The following SLC41A3 variants were observed in gnomAD, a reference collection of about 807,000 sequenced individuals.
SLC41A3 encodes SLC41A1-like 2.
A neutral mutation model predicts 45.4 loss-of-function variants in SLC41A3; 44 were observed. That is an observed-to-expected ratio of 0.97 (90% CI 0.76 to 1.25). SLC41A3 has a LOEUF of 1.25. Ranked by LOEUF, SLC41A3 falls within the 50% of genes most tolerant of loss-of-function variation. The pLI is 0.00. For synonymous variants in SLC41A3, 256 were observed against 252.4 expected (o/e 1.01, Z -0.13); for missense variants, 550 against 600.6 (o/e 0.92, Z 0.88).
At chr3:126,086,240 A>G (rs1442683653), upstream of SLC41A3, among the ~76,000 whole-genome samples, 1 of 152,178 alleles carries the variant, frequency 6.6e-6, no homozygotes, top group Non-Finnish European at 1.5e-5. Flanking sequence ...ATCCTTGTGC[A>G]CATTTACATT....
intron 2 of SLC41A3, among the ~76,000 whole-genome samples, chr3:126,063,957 C>CCCCCCCCCCCCA (rs776315005): frequency 7.0e-6 from 1 of 143,236 alleles, no homozygotes; most frequent in Non-Finnish European, 1.6e-5. Context: ...CAACCCCCCC[C>CCCCCCCCCCCCA]CGGGGACACA....
intron 1 of SLC41A3, among the ~76,000 whole-genome samples, chr3:126,081,829 G>A (rs1449746956): frequency 6.6e-6 from 1 of 152,264 alleles, no homozygotes; most frequent in Non-Finnish European, 1.5e-5. Flanking sequence ...ACTCACACGC[G>A]TGCCTGAGGA....
chr3:126,057,097 T>G lies in SLC41A3; in HGVS notation c.274-6047A>C, dbSNP rs1943717887. 5 of 988,286 alleles carry G rather than the reference T, an allele frequency of 5.1e-6. No individual in the cohort carries two copies. In the South Asian group the frequency reaches 2.3e-4, roughly 46 times the overall value. The allele number at this position is 988,286 out of a possible 1,614,324, so 61.2% of individuals were successfully genotyped here. A position where few individuals can be genotyped will look rare whatever the true frequency, so the allele number is the denominator to read the frequency against. ...TGGGGAGAGATCAGCACAGAGGGACTGCCTCCTCAGGCCAGCTCTACAGAC... is the reference window on the plus strand; with the variant it reads ...TGGGGAGAGATCAGCACAGAGGGACGGCCTCCTCAGGCCAGCTCTACAGAC... On this transcript the variant is annotated intron_variant, in intron 2 of 10. Transcript: ENST00000360370.
chr3:126,027,400 C>A (rs1941451098), intron 4 of SLC41A3, among the ~76,000 whole-genome samples: 2 of 152,138 alleles, frequency 1.3e-5, no homozygotes, highest in African/African-American at 4.8e-5. Context: ...GCATTCCCCC[C>A]ATGCTTGTAA....
At chr3:126,030,075 A>G (rs1393719358) in intron 4 of SLC41A3, among the ~76,000 whole-genome samples, 1 of 147,120 alleles carries the variant, frequency 6.8e-6, no homozygotes, top group Non-Finnish European at 1.5e-5. Flanking sequence ...ATTTCAAAAA[A>G]TAAAATAAAT....
chr3:126,050,096 C>T (rs1943226931), intron 3 of SLC41A3, among the ~76,000 whole-genome samples: 1 of 152,214 alleles, frequency 6.6e-6, no homozygotes, highest in Admixed American at 6.5e-5. Flanking sequence ...TTAGTCACCT[C>T]TGCAAGGGCC....
rs1280049231 is a variant in SLC41A3 at position 126,022,771 on chromosome 3, G to A, written c.745+15C>T. On this transcript the variant is annotated intron_variant, in intron 6 of 10. Coordinates refer to ENST00000360370, the MANE Select transcript of SLC41A3 (RefSeq NM_017836.4). Reference sequence around the variant, plus strand: ...CCACGGAGCCTTTGTGTCTATAGAAGAAGACACTCTTTACCTTTGTGTCTG... The same window carrying A: ...CCACGGAGCCTTTGTGTCTATAGAAAAAGACACTCTTTACCTTTGTGTCTG... 1.9e-6 allele frequency: 3 copies of A among 1,614,092 alleles called. No individual in the cohort carries two copies. The highest frequency in any genetic ancestry group is 4.5e-5 in the East Asian group (2 of 44,886).
Position 126,059,419 on chromosome 3 carries a change from CG to C in SLC41A3, c.274-8370del, listed in dbSNP as rs539634130. Among the ~76,000 whole-genome samples, 21 of 152,088 alleles carry C rather than the reference CG, an allele frequency of 1.4e-4. No individual in the cohort carries two copies. The East Asian group carries it at 3.9e-3, about 28-fold the overall frequency. On this transcript the variant is annotated intron_variant, in intron 2 of 10. Coordinates refer to ENST00000360370, the MANE Select transcript of SLC41A3 (RefSeq NM_017836.4). ...CACTGCAAATGAATGAAGGAATGCC[CG>C]TAACACTCAGTCACTGCAATTGGAT... is the stretch of plus-strand genomic sequence containing the variant.
intron 1 of SLC41A3, among the ~76,000 whole-genome samples, chr3:126,072,936 C>T (rs1301388107): frequency 6.6e-6 from 1 of 152,108 alleles, no homozygotes; most frequent in Admixed American, 6.6e-5. Flanking sequence ...ACTATGCAGC[C>T]ATGAAAAAAC....
At chr3:126,090,630 T>C (rs1305210654) in intron 1 of SLC41A3, among the ~76,000 whole-genome samples, 4 of 152,220 alleles carry the variant, frequency 2.6e-5, no homozygotes, top group African/African-American at 9.7e-5. Flanking sequence ...TAAATGTTAT[T>C]TCTCTCTCCT....
chr3:126,048,737 G>A (rs78357452), intron 3 of SLC41A3, among the ~76,000 whole-genome samples: 7,676 of 152,202 alleles, frequency 0.05, 506 homozygotes, highest in African/African-American at 0.16. Flanking sequence ...GTAGATCAAA[G>A]GGGGCCGGTA....
chr3:126,036,315 C>A (rs1054256887), intron 3 of SLC41A3, among the ~76,000 whole-genome samples: 1 of 152,234 alleles, frequency 6.6e-6, no homozygotes, highest in African/African-American at 2.4e-5. Flanking sequence ...ACAAGCTCAA[C>A]ACACCCCCCT....
intron 4 of SLC41A3, among the ~76,000 whole-genome samples, chr3:126,031,378 A>T (rs1941783664): frequency 6.6e-6 from 1 of 152,176 alleles, no homozygotes; most frequent in Non-Finnish European, 1.5e-5. Context: ...CTTTCATTGC[A>T]GTATAATCTT....
At chr3:126,028,978 G>C (rs1941588851) in intron 4 of SLC41A3, among the ~76,000 whole-genome samples, 1 of 152,192 alleles carries the variant, frequency 6.6e-6, no homozygotes, top group African/African-American at 2.4e-5. Flanking sequence ...CCCAATACCT[G>C]TATCCCCCAC....
At chr3:126,045,955 C>T (rs575345172) in intron 3 of SLC41A3, among the ~76,000 whole-genome samples, 1 of 151,260 alleles carries the variant, frequency 6.6e-6, no homozygotes, top group South Asian at 2.1e-4. Flanking sequence ...GCTCCACATA[C>T]AAAAATCAAT....
chr3:126,021,128 T>TCGTGATC (rs1401605947), intron 6 of SLC41A3, among the ~76,000 whole-genome samples: 1 of 152,190 alleles, frequency 6.6e-6, no homozygotes, highest in African/African-American at 2.4e-5. Context: ...TCTCCTGACC[T>TCGTGATC]CGTGATCCGC....
At chr3:126,032,849 A>T (rs544644832) in intron 4 of SLC41A3, among the ~76,000 whole-genome samples, 1 of 152,282 alleles carries the variant, frequency 6.6e-6, no homozygotes, top group East Asian at 1.9e-4. Flanking sequence ...ATCTGATCTC[A>T]GGGTCCATAT....
At position 126,084,118 on chromosome 3, in the gene SLC41A3, G is replaced by A. The variant is rs17523373; in HGVS notation, c.-53C>T. On this transcript the variant is annotated 5_prime_UTR_variant, in exon 1 of 11. Transcript: ENST00000360370. Reference sequence around the variant, plus strand: ...CGGGTCCCCTCCCAGGCGGCGGCGGGAAAGAGGCGGGCGGAGGACGCAGGG... The same window carrying A: ...CGGGTCCCCTCCCAGGCGGCGGCGGAAAAGAGGCGGGCGGAGGACGCAGGG... 99,659 of 152,066 alleles carry A rather than the reference G, an allele frequency of 0.66. 32,951 individuals carry two copies. Among genetic ancestry groups the A allele is most frequent in the African/African-American group, 0.71 (29,583 of 41,406 alleles). 9.4% of individuals were successfully genotyped at this position (152,066 alleles called of 1,614,324 possible). A position where few individuals can be genotyped will look rare whatever the true frequency, so the allele number is the denominator to read the frequency against.
chr3:126,014,778 T>C (rs1450532091), intron 8 of SLC41A3, among the ~76,000 whole-genome samples: 1 of 152,180 alleles, frequency 6.6e-6, no homozygotes, highest in Non-Finnish European at 1.5e-5. Context: ...GGACAAAACA[T>C]GTTTTGTTCT....
Sources: allele counts gnomAD v4.1 joint callset (sites outside exome capture counted in the v4.1 genomes callset), GRCh38; gene constraint gnomAD v4.1.1; transcripts MANE v1.5; gene names NCBI Gene and HGNC (gene_info 2026-07-23, HGNC 2026-07-21).